The following XYLT1 variants were observed in gnomAD, a reference collection of about 807,000 sequenced individuals.
XYLT1 encodes the protein xylosyltransferase 1.
XYLT1 carries 36 observed loss-of-function variants against 91.3 expected under a neutral mutation model. The ratio of observed to expected loss-of-function variants is 0.39; its 90% confidence interval spans 0.30 to 0.52. The LOEUF (loss-of-function observed/expected upper bound fraction) is 0.52. Among genes scored for constraint, XYLT1 ranks in the 20% least tolerant of loss-of-function variants. XYLT1 has a pLI of 0.68. For missense variants in XYLT1, 1,242 were observed against 1,284.5 expected (o/e 0.97, Z 0.51); for synonymous variants, 588 against 532.0 (o/e 1.11, Z -1.45).
intron 2 of XYLT1, 22 bp from the exon 3 acceptor site, chr16:17,259,520 CAG>C (rs945139888): frequency 8.8e-6 from 14 of 1,595,856 alleles, no homozygotes; most frequent in African/African-American, 1.3e-5. Flanking sequence ...GGGAGAGAAA[CAG>C]AAGAGAAACT....
At chr16:17,194,099 C>T (rs1173316094) in intron 5 of XYLT1, 1 of 152,198 alleles carries the variant, frequency 6.6e-6, no homozygotes, top group Non-Finnish European at 1.5e-5. Flanking sequence ...TTCTGGGCCT[C>T]TCAGAGATAC....
intron 2 of XYLT1, among the ~76,000 whole-genome samples, chr16:17,263,522 G>A (rs1434222271): frequency 6.6e-6 from 1 of 151,652 alleles, no homozygotes; most frequent in Non-Finnish European, 1.5e-5. Flanking sequence ...AGTATAAGAG[G>A]GAAGGAAAAT....
At chr16:17,442,316 G>C (rs774410582) in intron 1 of XYLT1, among the ~76,000 whole-genome samples, 8 of 152,152 alleles carry the variant, frequency 5.3e-5, no homozygotes, top group Admixed American at 2.6e-4. Flanking sequence ...TAAAAAAGCT[G>C]TTATCAAATT....
Position 17,138,404 on chromosome 16 carries a change from C to T in XYLT1, c.1715G>A (p.Cys572Tyr), listed in dbSNP as rs1197167239. 1.2e-6 allele frequency: 2 copies of T among 1,613,962 alleles called. No individual in the cohort carries two copies. Among genetic ancestry groups the T allele is most frequent in the South Asian group, 1.1e-5 (1 of 91,070 alleles). The change falls in exon 8 of 12, where the codon TGC (cysteine) becomes TAC (tyrosine). Residue 572 changes from cysteine to tyrosine, a missense_variant. Transcript: ENST00000261381. ...KCQYKHIVDW[C>Y]GCSPNDFKPQ... The stretch of plus-strand genomic sequence containing the variant: ...CTTGAAGTCATTGGGGGAGCAGCCG[C>T]ACCAGTCCACGATGTGCTTGTACTG...
intron 5 of XYLT1, among the ~76,000 whole-genome samples, chr16:17,177,899 A>G (rs2031979722): frequency 6.6e-6 from 1 of 152,256 alleles, no homozygotes; most frequent in Non-Finnish European, 1.5e-5. Flanking sequence ...CCAAGGAAAG[A>G]TAAACGAGCT....
intron 2 of XYLT1, among the ~76,000 whole-genome samples, chr16:17,280,295 A>G (rs1475210118): frequency 6.6e-6 from 1 of 152,234 alleles, no homozygotes; most frequent in Non-Finnish European, 1.5e-5. Flanking sequence ...GGTTGCAGTG[A>G]GCCAAGATCG....
intron 1 of XYLT1, among the ~76,000 whole-genome samples, chr16:17,385,309 CA>C (rs1567403874): frequency 3.3e-5 from 5 of 149,790 alleles, no homozygotes; most frequent in African/African-American, 9.9e-5. Flanking sequence ...CACACACACA[CA>C]CCTATGTACT....
intron 1 of XYLT1, among the ~76,000 whole-genome samples, chr16:17,455,708 C>A (rs1440166582): frequency 6.6e-6 from 1 of 152,182 alleles, no homozygotes; most frequent in Non-Finnish European, 1.5e-5. Flanking sequence ...GATGGTGCTA[C>A]CATCAGAATC....
intron 2 of XYLT1, among the ~76,000 whole-genome samples, chr16:17,325,017 T>C (rs1031567730): frequency 6.6e-6 from 1 of 152,136 alleles, no homozygotes; most frequent in African/African-American, 2.4e-5. Context: ...GTATCTATTA[T>C]GTGGTTCAAA....
chr16:17,414,793 A>C (rs1463613706), intron 1 of XYLT1, among the ~76,000 whole-genome samples: 1 of 151,912 alleles, frequency 6.6e-6, no homozygotes, highest in Non-Finnish European at 1.5e-5. Context: ...GCAGCCCCTC[A>C]CCACCCTCAA....
At chr16:17,330,966 C>T (rs925517835) in intron 2 of XYLT1, among the ~76,000 whole-genome samples, 13 of 152,108 alleles carry the variant, frequency 8.5e-5, no homozygotes, top group African/African-American at 2.4e-4. Flanking sequence ...AAAGATGGTC[C>T]GTGCATTTGG....
At chr16:17,168,842 C>T (rs911897096) in intron 5 of XYLT1, among the ~76,000 whole-genome samples, 3 of 152,120 alleles carry the variant, frequency 2.0e-5, no homozygotes, top group African/African-American at 7.2e-5. Context: ...TGAGTCTGAC[C>T]ATGTCACCCT....
intron 2 of XYLT1, among the ~76,000 whole-genome samples, chr16:17,302,229 CTAA>C (rs1334747314): frequency 4.0e-4 from 61 of 151,512 alleles, no homozygotes; most frequent in Admixed American, 1.1e-3. Flanking sequence ...ACTACTACTA[CTAA>C]TAATAATAAT....
At chr16:17,324,211 A>G (rs1489872313) in intron 2 of XYLT1, among the ~76,000 whole-genome samples, 2 of 152,206 alleles carry the variant, frequency 1.3e-5, no homozygotes, top group Middle Eastern at 3.2e-3. Flanking sequence ...TCAAGGGAAA[A>G]AGAAAAGGAC....
chr16:17,317,902 G>C (rs1425746950), intron 2 of XYLT1, among the ~76,000 whole-genome samples: 1 of 152,098 alleles, frequency 6.6e-6, no homozygotes, highest in Non-Finnish European at 1.5e-5. Flanking sequence ...CCTCTGCCTG[G>C]AATGCTTTTC....
chr16:17,179,330 C>A (rs920551153), intron 5 of XYLT1, among the ~76,000 whole-genome samples: 2 of 152,194 alleles, frequency 1.3e-5, no homozygotes, highest in Non-Finnish European at 2.9e-5. Context: ...CCAGGACACA[C>A]AATTTACCTA....
At chr16:17,244,107 G>A (rs752681120) in intron 3 of XYLT1, among the ~76,000 whole-genome samples, 11 of 152,270 alleles carry the variant, frequency 7.2e-5, no homozygotes, top group Non-Finnish European at 1.6e-4. Flanking sequence ...AGCATTGGTT[G>A]CAAACCACTG....
At chr16:17,459,848 G>A (rs1217834657) in intron 1 of XYLT1, among the ~76,000 whole-genome samples, 1 of 152,110 alleles carries the variant, frequency 6.6e-6, no homozygotes, top group African/African-American at 2.4e-5. Context: ...TGGATGAGTA[G>A]GTGGGAAATT....
intron 2 of XYLT1, among the ~76,000 whole-genome samples, chr16:17,330,118 C>CACACACACACACACACACAT: frequency 6.6e-6 from 1 of 151,804 alleles, no homozygotes; most frequent in Admixed American, 6.6e-5. Flanking sequence ...CACACACACA[C>CACACACACACACACACACAT]ACACACACAC....
Sources: gnomAD v4.1 joint callset for allele counts (sites outside exome capture counted in the v4.1 genomes callset) on GRCh38, gnomAD v4.1.1 for gene constraint, MANE v1.5 for transcripts, NCBI Gene and HGNC (gene_info 2026-07-23, HGNC 2026-07-21) for gene names.